Variants in PDE5A observed in about 807,000 individuals in gnomAD.
The protein encoded by PDE5A is cGMP-specific 3',5'-cyclic phosphodiesterase.
Under a neutral mutation model 110.2 loss-of-function variants are expected in PDE5A, and 67 were observed. The observed-to-expected ratio is 0.61, with a 90% CI of 0.50 to 0.75. The LOEUF (loss-of-function observed/expected upper bound fraction) is 0.75, where lower values mean the gene tolerates loss of function less well. Among genes scored for constraint, PDE5A ranks in the 30% least tolerant of loss-of-function variants. PDE5A has a pLI of 0.00. For synonymous variants in PDE5A, 328 were observed against 351.2 expected (o/e 0.93, Z 0.74); for missense variants, 862 against 1,045.1 (o/e 0.82, Z 2.42).
intron 2 of PDE5A, among the ~76,000 whole-genome samples, chr4:119,598,038 C>T (rs1210871132): frequency 6.6e-6 from 1 of 151,922 alleles, no homozygotes; most frequent in East Asian, 1.9e-4. Context: ...CTAAAGAAAG[C>T]AGACAAGATA....
chr4:119,606,984 C>A lies in PDE5A; in HGVS notation c.466G>T (p.Val156Leu). Residue 156 changes from valine to leucine, a missense_variant, in exon 2 of 21, where the codon GTG (valine) becomes TTG (leucine). By Grantham distance (32) the Val-to-Leu change is conservative. Coordinates refer to ENST00000354960, the MANE Select transcript of PDE5A (RefSeq NM_001083.4). ...GDQCSRLLEL[V>L]KDISSHLDVT... The stretch of plus-strand genomic sequence containing the variant: ...TCCAAATGACTAGAAATATCCTTCA[C>A]TAATTCCAAGAGTCTTGAGCACTGG... 2 of 1,614,186 alleles carry A rather than the reference C, an allele frequency of 1.2e-6. No homozygotes were observed. Among genetic ancestry groups the A allele is most frequent in the Non-Finnish European group, 1.7e-6 (2 of 1,180,034 alleles).
intron 13 of PDE5A, 142 bp downstream of exon 13, chr4:119,520,793 C>T (rs568443252): frequency 5.7e-5 from 38 of 671,878 alleles, no homozygotes; most frequent in Middle Eastern, 4.4e-4. Context: ...CTTTAATTAA[C>T]GAAATATAAC....
At chr4:119,535,391 A>G (rs887014471) in intron 11 of PDE5A, among the ~76,000 whole-genome samples, 2 of 152,098 alleles carry the variant, frequency 1.3e-5, no homozygotes, top group African/African-American at 4.8e-5. Flanking sequence ...CCAGCCTTCC[A>G]AGAAGGTTTG....
intron 15 of PDE5A, among the ~76,000 whole-genome samples, chr4:119,510,383 G>T (rs1725694918): frequency 6.6e-6 from 1 of 151,976 alleles, no homozygotes. Context: ...TATGTTCAAT[G>T]TAATAGTTAA....
At chr4:119,598,900 T>C (rs1729245687) in intron 2 of PDE5A, among the ~76,000 whole-genome samples, 2 of 152,144 alleles carry the variant, frequency 1.3e-5, no homozygotes, top group African/African-American at 2.4e-5. Context: ...TCTAGTCACT[T>C]TGGGCATGTA....
intron 15 of PDE5A, among the ~76,000 whole-genome samples, chr4:119,509,556 G>A (rs533494587): frequency 2.2e-4 from 34 of 152,072 alleles, no homozygotes; most frequent in Non-Finnish European, 4.3e-4. Flanking sequence ...CTTTATTGCT[G>A]AAGGTCAGAA....
intron 1 of PDE5A, among the ~76,000 whole-genome samples, chr4:119,613,627 G>A (rs1313403929): frequency 6.6e-6 from 1 of 152,098 alleles, no homozygotes; most frequent in Non-Finnish European, 1.5e-5. Context: ...GAAAGCAACG[G>A]ATGGAAATCC....
chr4:119,597,102 T>C (rs1578811975), intron 2 of PDE5A, among the ~76,000 whole-genome samples: 1 of 152,090 alleles, frequency 6.6e-6, no homozygotes, highest in Non-Finnish European at 1.5e-5. Context: ...ATATACACAA[T>C]CTCATTGAGT....
intron 18 of PDE5A, among the ~76,000 whole-genome samples, chr4:119,503,579 G>C (rs114210297): frequency 0.025 from 3,803 of 152,180 alleles, 76 homozygotes; most frequent in Middle Eastern, 0.075. Flanking sequence ...GGTCATTAAA[G>C]GGATGACCTT....
At chr4:119,506,911 A>AG (rs376567635) in intron 16 of PDE5A, among the ~76,000 whole-genome samples, 312 of 151,990 alleles carry the variant, frequency 2.1e-3, no homozygotes, top group African/African-American at 7.3e-3. Context: ...TTCCTTACAG[A>AG]GGGAGAGAGA....
intron 19 of PDE5A, among the ~76,000 whole-genome samples, chr4:119,501,794 C>T (rs561100481): frequency 3.5e-4 from 53 of 152,124 alleles, no homozygotes; most frequent in Admixed American, 2.0e-4. Context: ...TGTAAAAAGG[C>T]AGTATGTATC....
rs200042015 is a variant in PDE5A at position 119,560,116 on chromosome 4, CTG to C, written c.1199+178_1199+179del. The stretch of plus-strand genomic sequence containing the variant: ...TTAACAAAGTAACAACTTTAAGTCA[CTG>C]TGGTCAATAGTCTCTCCATCTTGAT... On this transcript the variant is annotated intron_variant, in intron 7 of 20. Coordinates refer to ENST00000354960, the MANE Select transcript of PDE5A (RefSeq NM_001083.4). Among the ~76,000 whole-genome samples the C allele has an allele frequency of 2.9e-3, 401 of 138,192 alleles. 1 individual carries two copies. Among genetic ancestry groups the C allele is most frequent in the African/African-American group, 0.01 (386 of 37,276 alleles). 90.7% of individuals were successfully genotyped at this position (138,192 alleles called of 152,430 possible). A position where few individuals can be genotyped will look rare whatever the true frequency, so the allele number is the denominator to read the frequency against.
chr4:119,619,425 T>A (rs1730066696), intron 1 of PDE5A, among the ~76,000 whole-genome samples: 1 of 152,146 alleles, frequency 6.6e-6, no homozygotes, highest in South Asian at 2.1e-4. Flanking sequence ...CGTCTTAAAG[T>A]TTGAGGTTCA....
chr4:119,588,939 C>G (rs535291146), intron 3 of PDE5A, among the ~76,000 whole-genome samples: 4 of 152,114 alleles, frequency 2.6e-5, no homozygotes, highest in Admixed American at 1.3e-4. Context: ...AAGTATATCA[C>G]TAAGTATGAT....
intron 9 of PDE5A, among the ~76,000 whole-genome samples, chr4:119,546,985 T>C (rs1399917263): frequency 6.6e-6 from 1 of 151,992 alleles, no homozygotes; most frequent in Non-Finnish European, 1.5e-5. Context: ...TTTTGGGTTT[T>C]CCATTTAACA....
intron 3 of PDE5A, among the ~76,000 whole-genome samples, chr4:119,572,227 C>T (rs143094143): frequency 3.5e-4 from 53 of 152,248 alleles, no homozygotes; most frequent in Admixed American, 2.0e-3. Context: ...AATTAGATTG[C>T]TTTCTAAGTA....
rs191646928 is a variant in PDE5A, at chr4:119,585,990, C to T, written c.831+10533G>A. Among the ~76,000 whole-genome samples the T allele has an allele frequency of 1.4e-4, 21 of 152,298 alleles. No homozygotes were observed. The East Asian group carries it at 4.0e-3, about 29-fold the overall frequency. On this transcript the variant is annotated intron_variant, in intron 3 of 20. Coordinates refer to ENST00000354960, the MANE Select transcript of PDE5A (RefSeq NM_001083.4). ...TGATCAAGCATAAGTCATGCAGCCC[C>T]TGCCCACATCCTGACCGCGTGAGAT...
intron 9 of PDE5A, chr4:119,550,346 A>AT (rs1560611674): frequency 6.6e-6 from 1 of 152,134 alleles, no homozygotes; most frequent in Non-Finnish European, 1.5e-5. Context: ...TGATTGTTTC[A>AT]TTTTTTATTT....
chr4:119,521,487 G>A (rs192704999), intron 12 of PDE5A, among the ~76,000 whole-genome samples: 6 of 151,328 alleles, frequency 4.0e-5, no homozygotes, highest in African/African-American at 1.5e-4. Context: ...AGCCATAAAA[G>A]CGGCCACTCC....
Sources: gnomAD v4.1 joint callset for allele counts (sites outside exome capture counted in the v4.1 genomes callset) on GRCh38, gnomAD v4.1.1 for gene constraint, MANE v1.5 for transcripts, NCBI Gene and HGNC (gene_info 2026-07-23, HGNC 2026-07-21) for gene names.